The following GNAL variants were observed in gnomAD, a reference collection of about 807,000 sequenced individuals.
GNAL encodes the protein G protein subunit alpha L.
GNAL carries 18 observed loss-of-function variants against 55.1 expected under a neutral mutation model. The observed-to-expected ratio is 0.33, with a 90% CI of 0.23 to 0.48. The LOEUF is 0.48. Among genes scored for constraint, GNAL ranks in the 20% least tolerant of loss-of-function variants. GNAL has a pLI of 0.99. For synonymous variants in GNAL, 253 were observed against 237.0 expected (o/e 1.07, Z -0.62); for missense variants, 412 against 614.1 (o/e 0.67, Z 3.48).
chr18:11,861,073 C>T (rs2036122164), intron 5 of GNAL, among the ~76,000 whole-genome samples: 1 of 152,178 alleles, frequency 6.6e-6, no homozygotes, highest in African/African-American at 2.4e-5. Context: ...GCCTCCTCTG[C>T]ATGAAATGCT....
rs764340835 is a variant in GNAL at position 11,884,596 on chromosome 18, G to C, written c.*3461G>C. 1 of 1,613,900 alleles carries C rather than the reference G, an allele frequency of 6.2e-7. No individual in the cohort carries two copies. The highest frequency in any genetic ancestry group is 1.7e-5 in the Admixed American group (1 of 60,024). ...ATCCTCACGTGGGAGGTAGCACTTG[G>C]AGAGGGTGTAGTCTGTGGGCGTGAT... On this transcript the variant is annotated 3_prime_UTR_variant, in exon 12 of 12. Transcript: ENST00000334049.
chr18:11,696,539 C>T (rs971488574), intron 1 of GNAL, among the ~76,000 whole-genome samples: 7 of 150,720 alleles, frequency 4.6e-5, no homozygotes, highest in Admixed American at 4.6e-4. Flanking sequence ...CACATCCTTA[C>T]AGCCTTAAAG....
At chr18:11,777,974 C>G (rs2033828792) in intron 4 of GNAL, among the ~76,000 whole-genome samples, 2 of 152,192 alleles carry the variant, frequency 1.3e-5, no homozygotes, top group African/African-American at 4.8e-5. Flanking sequence ...CCCTTCGCCC[C>G]TCACTGGGCT....
At chr18:11,835,726 A>G (rs1434610309) in intron 5 of GNAL, among the ~76,000 whole-genome samples, 4 of 152,236 alleles carry the variant, frequency 2.6e-5, no homozygotes, top group Non-Finnish European at 5.9e-5. Flanking sequence ...CGTGTGTGTC[A>G]GGTTTTATCA....
chr18:11,840,770 G>T (rs555929744), intron 5 of GNAL, among the ~76,000 whole-genome samples: 132 of 152,302 alleles, frequency 8.7e-4, no homozygotes, highest in African/African-American at 3.1e-3. Context: ...AGAAGAGGAA[G>T]CACCCGGAGG....
At chr18:11,776,900 A>G (rs2033801383) in intron 4 of GNAL, among the ~76,000 whole-genome samples, 1 of 152,140 alleles carries the variant, frequency 6.6e-6, no homozygotes, top group South Asian at 2.1e-4. Context: ...TCGAGCTGAT[A>G]GTCATTTGTG....
intron 1 of GNAL, among the ~76,000 whole-genome samples, chr18:11,741,640 G>GATGAATGA (rs113647516): frequency 1.3e-5 from 2 of 152,172 alleles, no homozygotes; most frequent in East Asian, 3.9e-4. Context: ...AATGCTTTAT[G>GATGAATGA]ATGAATGAAT....
At chr18:11,818,438 A>G (rs1394972314) in intron 4 of GNAL, among the ~76,000 whole-genome samples, 1 of 152,152 alleles carries the variant, frequency 6.6e-6, no homozygotes, top group East Asian at 1.9e-4. Flanking sequence ...CTGTCCTGAA[A>G]CTGCCTGTTT....
At chr18:11,790,387 A>G (rs930490451) in intron 4 of GNAL, among the ~76,000 whole-genome samples, 10 of 152,170 alleles carry the variant, frequency 6.6e-5, no homozygotes, top group African/African-American at 2.4e-4. Flanking sequence ...AGCTTCCAAC[A>G]CTCTGACATC....
At chr18:11,819,318 G>A (rs994876453) in intron 4 of GNAL, among the ~76,000 whole-genome samples, 3 of 152,078 alleles carry the variant, frequency 2.0e-5, no homozygotes, top group South Asian at 2.1e-4. Flanking sequence ...AAAGGTAGTC[G>A]TAGATAGCAG....
intron 4 of GNAL, among the ~76,000 whole-genome samples, chr18:11,824,206 C>T (rs1482118942): frequency 6.7e-6 from 1 of 148,524 alleles, no homozygotes; most frequent in Non-Finnish European, 1.5e-5. Context: ...ACGTAAAAGA[C>T]AGAAGCTAAG....
intron 4 of GNAL, among the ~76,000 whole-genome samples, chr18:11,775,258 C>A (rs2033748578): frequency 6.6e-6 from 1 of 152,196 alleles, no homozygotes; most frequent in South Asian, 2.1e-4. Flanking sequence ...TGTTTGAGGG[C>A]CAGGGGTGGC....
At chr18:11,783,334 C>A (rs550168739) in intron 4 of GNAL, among the ~76,000 whole-genome samples, 1 of 152,144 alleles carries the variant, frequency 6.6e-6, no homozygotes, top group African/African-American at 2.4e-5. Context: ...ATGGTACTTA[C>A]CTCAGAGTTG....
At chr18:11,761,393 A>C (rs2033238550) in intron 4 of GNAL, among the ~76,000 whole-genome samples, 1 of 152,156 alleles carries the variant, frequency 6.6e-6, no homozygotes, top group African/African-American at 2.4e-5. Context: ...GGAGTCCCCC[A>C]GGCTCTCTGG....
At chr18:11,697,995 G>A (rs2031462523) in intron 1 of GNAL, among the ~76,000 whole-genome samples, 1 of 152,120 alleles carries the variant, frequency 6.6e-6, no homozygotes, top group Non-Finnish European at 1.5e-5. Flanking sequence ...GCCACCCGGA[G>A]AGGACATGCC....
intron 5 of GNAL, chr18:11,852,060 G>T (rs773802525): frequency 6.2e-7 from 1 of 1,613,092 alleles, no homozygotes; most frequent in Non-Finnish European, 8.5e-7. Flanking sequence ...TGGCTTCGGC[G>T]GAGCAGGATG....
intron 1 of GNAL, among the ~76,000 whole-genome samples, chr18:11,703,732 C>T (rs958425967): frequency 6.6e-6 from 1 of 151,828 alleles, no homozygotes; most frequent in East Asian, 1.9e-4. Flanking sequence ...TAATGCTCTC[C>T]ACCCTTGGGC....
intron 5 of GNAL, among the ~76,000 whole-genome samples, chr18:11,835,552 C>G (rs1029300627): frequency 2.0e-5 from 3 of 151,758 alleles, no homozygotes; most frequent in Admixed American, 2.0e-4. Context: ...AAAATTATTT[C>G]TAATTTATTT....
At chr18:11,760,713 A>G (rs946365775) in intron 4 of GNAL, among the ~76,000 whole-genome samples, 18 of 152,066 alleles carry the variant, frequency 1.2e-4, no homozygotes, top group Non-Finnish European at 2.5e-4. Flanking sequence ...AGGGGGACAC[A>G]AGGGTGGACA....
Sources: gnomAD v4.1 joint callset for allele counts (sites outside exome capture counted in the v4.1 genomes callset) on GRCh38, gnomAD v4.1.1 for gene constraint, MANE v1.5 for transcripts, NCBI Gene and HGNC (gene_info 2026-07-23, HGNC 2026-07-21) for gene names.